Variants in CREB3L2 observed in about 807,000 individuals in gnomAD.
The protein encoded by CREB3L2 is cyclic AMP-responsive element-binding protein 3-like protein 2.
A neutral mutation model predicts 57.2 loss-of-function variants in CREB3L2; 23 were observed. That is an observed-to-expected ratio of 0.40 (90% CI 0.29 to 0.57). The LOEUF is 0.57. Among genes scored for constraint, CREB3L2 ranks in the 20% least tolerant of loss-of-function variants. CREB3L2 has a pLI of 0.42. For synonymous variants in CREB3L2, 268 were observed against 265.1 expected, an observed-to-expected ratio of 1.01 and a Z score of -0.11; for missense variants, 628 against 634.7, an observed-to-expected ratio of 0.99 and a Z score of 0.11.
At chr7:137,984,358 G>C (rs893919371) in intron 1 of CREB3L2, among the ~76,000 whole-genome samples, 2 of 152,360 alleles carry the variant, frequency 1.3e-5, no homozygotes, top group Admixed American at 1.3e-4. Context: ...GGAGGCCTCA[G>C]AGAAAGCCCT....
At chr7:137,939,371 A>T (rs1800844864) in intron 1 of CREB3L2, among the ~76,000 whole-genome samples, 1 of 152,062 alleles carries the variant, frequency 6.6e-6, no homozygotes, top group African/African-American at 2.4e-5. Context: ...AACACAGAGG[A>T]CTTGGAGCTC....
intron 1 of CREB3L2, among the ~76,000 whole-genome samples, chr7:137,990,877 A>G (rs569878730): frequency 5.9e-5 from 9 of 152,300 alleles, no homozygotes; most frequent in African/African-American, 1.9e-4. Context: ...CACTCAGACA[A>G]CTAGGAAACT....
intron 8 of CREB3L2, among the ~76,000 whole-genome samples, chr7:137,889,082 A>G (rs1368586682): frequency 6.7e-6 from 1 of 149,240 alleles, no homozygotes; most frequent in African/African-American, 2.4e-5. Flanking sequence ...TCCTTAGAGC[A>G]TGAATAGCTT....
intron 2 of CREB3L2, among the ~76,000 whole-genome samples, chr7:137,922,037 A>G (rs1800291876): frequency 1.3e-5 from 2 of 151,676 alleles, no homozygotes; most frequent in South Asian, 4.2e-4. Flanking sequence ...CAGCCACCCA[A>G]AGTGCTGGGA....
intron 1 of CREB3L2, among the ~76,000 whole-genome samples, chr7:137,969,630 C>T (rs1027492241): frequency 2.6e-5 from 4 of 152,118 alleles, no homozygotes; most frequent in Non-Finnish European, 4.4e-5. Context: ...GGATTACAGG[C>T]GTGAGCCACC....
intron 10 of CREB3L2, among the ~76,000 whole-genome samples, chr7:137,883,585 T>C (rs778301928): frequency 5.3e-5 from 8 of 152,128 alleles, no homozygotes; most frequent in African/African-American, 1.4e-4. Context: ...AAATTAACAA[T>C]AATAATAAAA....
chr7:137,886,365 T>C, intron 8 of CREB3L2, among the ~76,000 whole-genome samples: 1 of 146,614 alleles, frequency 6.8e-6, no homozygotes, highest in South Asian at 2.2e-4. Context: ...CAACAGAGAG[T>C]AACAGGCATT....
At chr7:137,992,765 C>A (rs1157795471) in intron 1 of CREB3L2, among the ~76,000 whole-genome samples, 1 of 152,130 alleles carries the variant, frequency 6.6e-6, no homozygotes, top group East Asian at 1.9e-4. Context: ...GTCATGGAAG[C>A]CAAAGCAAAA....
chr7:137,986,991 C>T (rs944008053), intron 1 of CREB3L2, among the ~76,000 whole-genome samples: 2 of 152,246 alleles, frequency 1.3e-5, no homozygotes, highest in African/African-American at 2.4e-5. Flanking sequence ...TGCAGCTGTT[C>T]GCCTGGAGCT....
At chr7:137,910,592 A>G (rs1302951865) in intron 4 of CREB3L2, among the ~76,000 whole-genome samples, 1 of 151,986 alleles carries the variant, frequency 6.6e-6, no homozygotes, top group African/African-American at 2.4e-5. Context: ...AAAAAACGGG[A>G]AGCAGACGAA....
At chr7:137,916,803 A>AGCGAGT (rs1468662350) in intron 2 of CREB3L2, among the ~76,000 whole-genome samples, 1 of 152,038 alleles carries the variant, frequency 6.6e-6, no homozygotes, top group East Asian at 1.9e-4. Flanking sequence ...CGAGAGCGAG[A>AGCGAGT]GCGAGTGACA....
chr7:137,960,608 C>G (rs1308891955), intron 1 of CREB3L2, among the ~76,000 whole-genome samples: 1 of 152,088 alleles, frequency 6.6e-6, no homozygotes, highest in African/African-American at 2.4e-5. Context: ...AACATTGGAT[C>G]AATTACCTCT....
At chr7:137,943,265 C>G (rs2117260769) in intron 1 of CREB3L2, among the ~76,000 whole-genome samples, 1 of 152,254 alleles carries the variant, frequency 6.6e-6, no homozygotes, top group East Asian at 1.9e-4. Context: ...GTAAAACAGC[C>G]TGAAAATAAA....
intron 1 of CREB3L2, among the ~76,000 whole-genome samples, chr7:137,933,015 A>G (rs1036673629): frequency 6.6e-6 from 1 of 152,212 alleles, no homozygotes; most frequent in African/African-American, 2.4e-5. Context: ...CACTCTGGGC[A>G]GCAAGGAGCA....
intron 2 of CREB3L2, among the ~76,000 whole-genome samples, chr7:137,925,807 T>G (rs1800441988): frequency 6.6e-6 from 1 of 152,260 alleles, no homozygotes. Context: ...CCGTGTTTGT[T>G]GTCTTGCTTT....
intron 1 of CREB3L2, among the ~76,000 whole-genome samples, chr7:137,982,854 T>C (rs1002003532): frequency 6.6e-6 from 1 of 152,130 alleles, no homozygotes; most frequent in Non-Finnish European, 1.5e-5. Flanking sequence ...GGTGCCCTCA[T>C]GATGGGATTA....
At chr7:137,922,590 A>C (rs1219778586) in intron 2 of CREB3L2, 2 of 439,970 alleles carry the variant, frequency 4.5e-6, no homozygotes, top group Non-Finnish European at 4.6e-6. Flanking sequence ...TACCACTTAC[A>C]TGAGAAAAAC....
chr7:137,963,944 A>C (rs1801365432), intron 1 of CREB3L2, among the ~76,000 whole-genome samples: 1 of 152,260 alleles, frequency 6.6e-6, no homozygotes, highest in South Asian at 2.1e-4. Context: ...CACCAAAGTA[A>C]GAATGTATCA....
chr7:137,909,866 G>T lies in CREB3L2; in HGVS notation c.584-1430C>A, dbSNP rs543565828. ...AGCGGGAGATCATTGAATCATGGGG[G>T]CAGTTTCCCCCATACTGTTTTTGTG... On this transcript the variant is annotated intron_variant, in intron 4 of 11. Coordinates refer to ENST00000330387, the MANE Select transcript of CREB3L2 (RefSeq NM_194071.4). Among the ~76,000 whole-genome samples the T allele has an allele frequency of 8.5e-5, 13 of 152,260 alleles. No individual in the cohort carries two copies. The South Asian group carries it at 2.7e-3, about 32-fold the overall frequency.
Sources: gnomAD v4.1 joint callset for allele counts (sites outside exome capture counted in the v4.1 genomes callset) on GRCh38, gnomAD v4.1.1 for gene constraint, MANE v1.5 for transcripts, NCBI Gene and HGNC (gene_info 2026-07-23, HGNC 2026-07-21) for gene names.